Variants in CDH26 observed in about 807,000 individuals in gnomAD.
CDH26 encodes the protein cadherin-like protein 26.
In CDH26, 83 loss-of-function variants were observed where a neutral mutation model predicts 90.3. The observed-to-expected ratio is 0.92, with a 90% CI of 0.77 to 1.10. CDH26 has a LOEUF of 1.10. Among genes scored for constraint, CDH26 ranks in the 50% least tolerant of loss-of-function variants. CDH26 has a pLI of 0.00. For missense variants in CDH26, 1,013 were observed against 1,037.6 expected (o/e 0.98, Z 0.33); for synonymous variants, 397 against 396.3 (o/e 1.00, Z -0.02).
rs578076066 is a variant in CDH26 at position 60,002,607 on chromosome 20, G to A, written c.2167-206G>A. 7.9e-5 allele frequency among the ~76,000 whole-genome samples: 12 copies of A among 152,140 alleles called. No individual in the cohort carries two copies. In the East Asian group the frequency reaches 1.4e-3, roughly 17 times the overall value. On this transcript the variant is annotated intron_variant, in intron 15 of 17. Coordinates refer to ENST00000348616, the MANE Select transcript of CDH26 (RefSeq NM_177980.4). ...TGTTAATGGACCCAAGATAGAGCTTGCAAATCTAATATTCTCATGTTCCTT... is the reference window on the plus strand; with the variant it reads ...TGTTAATGGACCCAAGATAGAGCTTACAAATCTAATATTCTCATGTTCCTT...
chr20:59,964,029 G>C (rs1295797044), intron 1 of CDH26, among the ~76,000 whole-genome samples: 4 of 152,152 alleles, frequency 2.6e-5, no homozygotes, highest in Non-Finnish European at 5.9e-5. Context: ...GTCATTACTT[G>C]TCACTGAATC....
rs185600633 is a variant in CDH26, at chr20:59,980,450, A to G, written c.394-2473A>G. Among the ~76,000 whole-genome samples the G allele has an allele frequency of 5.3e-3, 805 of 152,124 alleles. 8 individuals carry two copies. The highest frequency in any genetic ancestry group is 0.019 in the African/African-American group (778 of 41,514). ...GCTGGGATTACAGTTGCCTGCCACCATGCCTGGCTAATTTTTGTATTTTTT... is the reference window on the plus strand; with the variant it reads ...GCTGGGATTACAGTTGCCTGCCACCGTGCCTGGCTAATTTTTGTATTTTTT... On this transcript the variant is annotated intron_variant, in intron 4 of 17. Coordinates refer to ENST00000348616, the MANE Select transcript of CDH26 (RefSeq NM_177980.4).
At chr20:59,967,427 A>T (rs1029058421) in intron 1 of CDH26, among the ~76,000 whole-genome samples, 2 of 152,192 alleles carry the variant, frequency 1.3e-5, no homozygotes, top group African/African-American at 4.8e-5. Context: ...TTAAAGACAG[A>T]CTTTCCCTTT....
chr20:59,994,174 GA>G, intron 10 of CDH26, 75 bp from the exon 11 acceptor site: 1 of 1,556,920 alleles, frequency 6.4e-7, no homozygotes, highest in Non-Finnish European at 8.7e-7. Context: ...TTTTTTCTGA[GA>G]GACGGAGAGT....
At chr20:59,999,354 G>A (rs1314752355) in intron 13 of CDH26, among the ~76,000 whole-genome samples, 3 of 152,178 alleles carry the variant, frequency 2.0e-5, no homozygotes, top group African/African-American at 4.8e-5. Context: ...CCTGAACCAT[G>A]AGAAGCTCAA....
In CDH26 at chr20:59,992,445, G is replaced by T. The variant is rs761953925; in HGVS notation, c.1351G>T (p.Val451Leu). ...VDKNSGVVIT[V>L]EPIDRESPHV... Reference sequence around the variant, plus strand: ...CAAAAACTCCGGAGTGGTCATCACCGTGGAGCCAATTGACCGAGAATCCCC... The same window carrying T: ...CAAAAACTCCGGAGTGGTCATCACCTTGGAGCCAATTGACCGAGAATCCCC... Residue 451 changes from valine (V) to leucine (L), a missense_variant, in exon 10 of 18, where the codon GTG becomes TTG. By Grantham distance (32) the Val-to-Leu change is conservative (BLOSUM62 1). Coordinates refer to ENST00000348616, the MANE Select transcript of CDH26 (RefSeq NM_177980.4). The surrounding 1 kb of genome is among the most constrained non-coding windows in gnomAD (Gnocchi z 5.0). 1.1e-5 allele frequency: 18 copies of T among 1,614,010 alleles called. No individual in the cohort carries two copies. The highest frequency in any genetic ancestry group is 1.4e-5 in the Non-Finnish European group (17 of 1,179,962).
intron 1 of CDH26, among the ~76,000 whole-genome samples, chr20:59,968,336 A>G (rs773789791): frequency 6.6e-6 from 1 of 152,084 alleles, no homozygotes; most frequent in Non-Finnish European, 1.5e-5. Flanking sequence ...ACCTCAGGTC[A>G]TCCACCTGCC....
intron 7 of CDH26, among the ~76,000 whole-genome samples, chr20:60,020,346 G>A (rs2061942568): frequency 1.3e-5 from 2 of 152,200 alleles, no homozygotes; most frequent in Non-Finnish European, 2.9e-5. Flanking sequence ...CGGCTGGCCT[G>A]GGGATGTATC....
Position 59,981,499 on chromosome 20 carries a change from G to A in CDH26, c.394-1424G>A, listed in dbSNP as rs552469051. Among the ~76,000 whole-genome samples the A allele has an allele frequency of 3.9e-5, 6 of 152,154 alleles. No individual in the cohort carries two copies. In the East Asian group the frequency reaches 1.2e-3, roughly 29 times the overall value. ...TTTTAAAATTTTTATTTCTAATTATGCATTGCTGGTTTATAGAAATATAGC... is the reference window on the plus strand; with the variant it reads ...TTTTAAAATTTTTATTTCTAATTATACATTGCTGGTTTATAGAAATATAGC... On this transcript the variant is annotated intron_variant, in intron 4 of 17. Transcript: ENST00000348616.
rs2061539551 is a variant in CDH26 at position 59,992,450 on chromosome 20, G to A, written c.1356G>A (p.Glu452=). 6.2e-7 allele frequency: 1 copy of A among 1,614,074 alleles called. No individual in the cohort carries two copies. The highest frequency in any genetic ancestry group is 2.2e-5 in the East Asian group (1 of 44,880). Reference sequence around the variant, plus strand: ...ACTCCGGAGTGGTCATCACCGTGGAGCCAATTGACCGAGAATCCCCTCATG... The same window carrying A: ...ACTCCGGAGTGGTCATCACCGTGGAACCAATTGACCGAGAATCCCCTCATG... ...DKNSGVVITV[E]PIDRESPHVN... Residue 452 remains glutamate, a synonymous_variant, in exon 10 of 18, where the codon GAG becomes GAA. Transcript: ENST00000348616. The surrounding 1 kb of genome is among the most constrained non-coding windows in gnomAD (Gnocchi z 5.0).
chr20:59,964,157 T>G (rs2061115518), intron 1 of CDH26, among the ~76,000 whole-genome samples: 1 of 152,244 alleles, frequency 6.6e-6, no homozygotes, highest in Non-Finnish European at 1.5e-5. Flanking sequence ...TTCCAAGCAT[T>G]TTGGGAGAGA....
Position 60,021,865 on chromosome 20 carries a change from C to CACACACACACACACAT in CDH26, c.948-9351_948-9350insTACACACACACACACA, listed in dbSNP as rs1555903624. On this transcript the variant is annotated intron_variant, in intron 7 of 8. Transcript: ENST00000370991. ...CCTTATCTGTACACACACACACACA[C>CACACACACACACACAT]ACACACACACACACACACACACACA... 2.8e-3 allele frequency among the ~76,000 whole-genome samples: 212 copies of CACACACACACACACAT among 75,870 alleles called. 10 individuals are homozygous for CACACACACACACACAT. The highest frequency in any genetic ancestry group is 3.6e-3 in the African/African-American group (81 of 22,474). 49.8% of individuals were successfully genotyped at this position (75,870 alleles called of 152,430 possible).
At chr20:60,010,376 G>C (rs1042262334) in intron 17 of CDH26, among the ~76,000 whole-genome samples, 1 of 152,156 alleles carries the variant, frequency 6.6e-6, no homozygotes, top group Non-Finnish European at 1.5e-5. Context: ...ATTACTATCA[G>C]CAGTGACGGA....
intron 8 of CDH26, 37 bp from the exon 9 acceptor site, chr20:59,988,867 A>G (rs1222108744): frequency 2.5e-6 from 4 of 1,605,406 alleles, no homozygotes; most frequent in African/African-American, 1.3e-5. Flanking sequence ...CCAGAGGAGC[A>G]GCAGGTGCTA....
At chr20:60,027,564 T>C (rs966076037) in intron 7 of CDH26, among the ~76,000 whole-genome samples, 1 of 152,310 alleles carries the variant, frequency 6.6e-6, no homozygotes, top group African/African-American at 2.4e-5. Flanking sequence ...AGTGTTGAGT[T>C]TGATACTTTT....
chr20:60,029,602 A>G lies in CDH26; in HGVS notation c.948-1629A>G, dbSNP rs2062025570. Among the ~76,000 whole-genome samples, 3 of 152,224 alleles carry G rather than the reference A, an allele frequency of 2.0e-5. No individual in the cohort carries two copies. In the South Asian group the frequency reaches 6.2e-4, roughly 32 times the overall value. ...CATCTAGGTTTTAAGCCCTGCATGC[A>G]TTAGGTATTTGTCCTAATGCCCTCC... On this transcript the variant is annotated intron_variant, in intron 7 of 8. Coordinates refer to the CDH26 transcript ENST00000370991.
At chr20:59,980,469 A>T (rs1420907988) in intron 4 of CDH26, among the ~76,000 whole-genome samples, 1 of 151,024 alleles carries the variant, frequency 6.6e-6, no homozygotes, top group Admixed American at 6.6e-5. Flanking sequence ...TAATTTTTGT[A>T]TTTTTTTTAG....
chr20:59,996,750 A>G lies in CDH26; in HGVS notation c.2008A>G (p.Thr670Ala), dbSNP rs200262869. The G allele has an allele frequency of 6.2e-7, 1 of 1,614,238 alleles. No homozygotes were observed. Residue 670 changes from threonine (T) to alanine (A), a missense_variant, in exon 13 of 18, where the codon ACT becomes GCT. Coordinates refer to ENST00000348616, the MANE Select transcript of CDH26 (RefSeq NM_177980.4). ...LVMYNAESKG[T>A]SAQTWSDVEG... ...CATGTATAATGCGGAGAGCAAAGGC[A>G]CTTCAGCCCAGGTAGTGGAATGTCA...
intron 7 of CDH26, among the ~76,000 whole-genome samples, chr20:60,023,451 C>T (rs1273216420): frequency 6.6e-6 from 1 of 152,146 alleles, no homozygotes; most frequent in East Asian, 1.9e-4. Context: ...GCCAGTGACC[C>T]TTGTTATACA....
Sources: allele counts gnomAD v4.1 joint callset (sites outside exome capture counted in the v4.1 genomes callset), GRCh38; gene constraint gnomAD v4.1.1; non-coding constraint Gnocchi (gnomAD v3.1); transcripts MANE v1.5; gene names NCBI Gene and HGNC (gene_info 2026-07-23, HGNC 2026-07-21).